TUSC3: variants seen among roughly 807,000 people sequenced by gnomAD.
TUSC3 encodes the protein tumor suppressor candidate 3.
TUSC3 carries 45 observed loss-of-function variants against 44.8 expected under a neutral mutation model. The observed-to-expected ratio is 1.00, with a 90% CI of 0.79 to 1.29. The LOEUF (loss-of-function observed/expected upper bound fraction) is 1.29, where lower values mean the gene tolerates loss of function less well. Ranked by LOEUF, TUSC3 falls within the 50% of genes most tolerant of loss-of-function variation. The pLI is 0.00. For missense variants in TUSC3, 519 were observed against 437.9 expected (o/e 1.19, Z -1.65); for synonymous variants, 212 against 152.9 (o/e 1.39, Z -2.85).
At chr8:15,536,859 A>G (rs556782540), upstream of TUSC3, among the ~76,000 whole-genome samples, 1 of 152,172 alleles carries the variant, frequency 6.6e-6, no homozygotes, top group East Asian at 1.9e-4. Context: ...GTCATGCCCT[A>G]CAAACCATAA....
intron 2 of TUSC3, among the ~76,000 whole-genome samples, chr8:15,489,576 G>GT (rs1478183620): frequency 6.6e-6 from 1 of 152,128 alleles, no homozygotes; most frequent in Non-Finnish European, 1.5e-5. Flanking sequence ...AAAGAGTTAC[G>GT]TTTTGGGGTG....
chr8:15,531,454 G>A (rs934320449), intron 2 of TUSC3, among the ~76,000 whole-genome samples: 90 of 152,260 alleles, frequency 5.9e-4, no homozygotes, highest in African/African-American at 1.9e-3. Flanking sequence ...GTTTCGCCAC[G>A]TTGGCCAGGC....
At chr8:15,424,238 G>C (rs1364903381) in intron 1 of TUSC3, among the ~76,000 whole-genome samples, 6 of 151,654 alleles carry the variant, frequency 4.0e-5, no homozygotes, top group Admixed American at 3.3e-4. Context: ...CTGCCCCCTT[G>C]GCCTCCCAAA....
At chr8:15,846,116 G>C in the TUSC3 span, among the ~76,000 whole-genome samples, 48 of 152,262 alleles carry the variant, frequency 3.2e-4, no homozygotes, top group African/African-American at 1.1e-3. Flanking sequence ...CTCCCCCTGA[G>C]TCCCTCCCAC....
chr8:15,636,059 G>C (rs768164639), intron 2 of TUSC3, among the ~76,000 whole-genome samples: 1 of 152,160 alleles, frequency 6.6e-6, no homozygotes, highest in African/African-American at 2.4e-5. Flanking sequence ...TACAAATGTG[G>C]GAAGATTTGT....
At chr8:15,690,142 T>C (rs1808835633) in intron 6 of TUSC3, among the ~76,000 whole-genome samples, 1 of 152,144 alleles carries the variant, frequency 6.6e-6, no homozygotes, top group African/African-American at 2.4e-5. Context: ...TGGCAGTGTA[T>C]AAACTTTCTT....
the TUSC3 span, among the ~76,000 whole-genome samples, chr8:15,798,681 C>T: frequency 6.6e-6 from 1 of 152,016 alleles, no homozygotes; most frequent in South Asian, 2.1e-4. Context: ...ACCATAAGAA[C>T]CCTATAACTC....
chr8:15,473,846 C>G (rs1040727213), intron 1 of TUSC3, among the ~76,000 whole-genome samples: 2 of 152,158 alleles, frequency 1.3e-5, no homozygotes, highest in African/African-American at 4.8e-5. Context: ...CACATATTGT[C>G]TTGATAAACA....
chr8:15,555,276 ATTTTTTTTTT>A (rs35757466), intron 1 of TUSC3, among the ~76,000 whole-genome samples: 12,702 of 44,730 alleles, frequency 0.28, 1,281 homozygotes, highest in Middle Eastern at 0.44. Context: ...TGCCAGGCTA[ATTTTTTTTTT>A]TTTTTTTTTT....
intron 1 of TUSC3, among the ~76,000 whole-genome samples, chr8:15,607,361 C>G (rs1360266619): frequency 6.6e-6 from 1 of 152,056 alleles, no homozygotes; most frequent in Non-Finnish European, 1.5e-5. Flanking sequence ...TTTTAAGTGG[C>G]TCAAAACAGT....
the TUSC3 span, chr8:15,806,921 T>G: frequency 7.0e-7 from 1 of 1,422,172 alleles, no homozygotes; most frequent in African/African-American, 1.4e-5. Flanking sequence ...CACTTCTATC[T>G]GCACCATGTT....
chr8:15,784,361 A>G, the TUSC3 span, among the ~76,000 whole-genome samples: 1 of 152,178 alleles, frequency 6.6e-6, no homozygotes, highest in Non-Finnish European at 1.5e-5. Flanking sequence ...GTGGAAAAAC[A>G]GGATGTCCAA....
chr8:15,549,236 C>G (rs963052766), intron 1 of TUSC3, among the ~76,000 whole-genome samples: 1 of 151,590 alleles, frequency 6.6e-6, no homozygotes, highest in African/African-American at 2.4e-5. Flanking sequence ...GTGCAGTGGG[C>G]TATCTCTGCT....
At chr8:15,632,020 T>C (rs937352609) in intron 2 of TUSC3, among the ~76,000 whole-genome samples, 5 of 152,178 alleles carry the variant, frequency 3.3e-5, no homozygotes, top group South Asian at 2.1e-4. Flanking sequence ...GCTATTCTTA[T>C]ATAATTAGAA....
intron 1 of TUSC3, among the ~76,000 whole-genome samples, chr8:15,593,943 C>T (rs1258477852): frequency 6.6e-6 from 1 of 152,088 alleles, no homozygotes; most frequent in Non-Finnish European, 1.5e-5. Flanking sequence ...TTTCCCTGAT[C>T]ATTAAAATCA....
chr8:15,762,601 A>T (rs1812206141), intron 10 of TUSC3, among the ~76,000 whole-genome samples: 1 of 152,090 alleles, frequency 6.6e-6, no homozygotes, highest in South Asian at 2.1e-4. Flanking sequence ...CGTAACTTGA[A>T]ATCTGCAGAG....
chr8:15,750,656 TC>T (rs1479465708), intron 9 of TUSC3, among the ~76,000 whole-genome samples: 2 of 152,086 alleles, frequency 1.3e-5, no homozygotes, highest in Non-Finnish European at 2.9e-5. Context: ...AAAATACATA[TC>T]CTTGGCCTCA....
chr8:15,595,255 G>A (rs545636440), intron 1 of TUSC3, among the ~76,000 whole-genome samples: 1 of 152,124 alleles, frequency 6.6e-6, no homozygotes, highest in Non-Finnish European at 1.5e-5. Flanking sequence ...CATAGGATTT[G>A]ATCAGCACTC....
At chr8:15,576,616 C>G (rs1438815308) in intron 1 of TUSC3, among the ~76,000 whole-genome samples, 1 of 145,186 alleles carries the variant, frequency 6.9e-6, no homozygotes, top group East Asian at 2.3e-4. Flanking sequence ...CCAGTTTCAT[C>G]CATGTCCCTA....
Sources: gnomAD v4.1 joint callset for allele counts (sites outside exome capture counted in the v4.1 genomes callset) on GRCh38, gnomAD v4.1.1 for gene constraint, MANE v1.5 for transcripts, NCBI Gene and HGNC (gene_info 2026-07-23, HGNC 2026-07-21) for gene names.